GALNT17: variants seen among roughly 807,000 people sequenced by gnomAD.
GALNT17 encodes UDP-GalNAc:polypeptide N-acetylgalactosaminyltransferase-like 3.
Under a neutral mutation model 63.7 loss-of-function variants are expected in GALNT17, and 29 were observed. The ratio of observed to expected loss-of-function variants is 0.46; its 90% CI spans 0.34 to 0.62. The LOEUF (loss-of-function observed/expected upper bound fraction) is 0.62. Ranked by LOEUF, GALNT17 falls within the 20% of genes least tolerant of loss-of-function variation. The probability of loss-of-function intolerance (pLI) is 0.01; values close to 1 mark genes in which losing one functional copy is unlikely to be tolerated. For missense variants in GALNT17, 603 were observed against 799.6 expected (o/e 0.75, Z 2.97); for synonymous variants, 305 against 318.3 (o/e 0.96, Z 0.45).
intron 1 of GALNT17, among the ~76,000 whole-genome samples, chr7:71,308,473 G>A (rs1791349217): frequency 6.6e-6 from 1 of 152,016 alleles, no homozygotes; most frequent in South Asian, 2.1e-4. Flanking sequence ...AGGATTTTTC[G>A]AACATTCTAT....
chr7:71,431,345 G>A (rs1786863077), intron 5 of GALNT17, among the ~76,000 whole-genome samples: 1 of 151,332 alleles, frequency 6.6e-6, no homozygotes, highest in African/African-American at 2.4e-5. Context: ...TGAGTAGCTG[G>A]GACTACAGGC....
chr7:71,459,498 T>C (rs575423535), intron 5 of GALNT17, among the ~76,000 whole-genome samples: 1 of 152,332 alleles, frequency 6.6e-6, no homozygotes, highest in South Asian at 2.1e-4. Context: ...CCCAAATATC[T>C]AAGAGACCTG....
chr7:71,668,516 CAAAAAAA>C (rs56329930), intron 7 of GALNT17, among the ~76,000 whole-genome samples: 1 of 62,960 alleles, frequency 1.6e-5, no homozygotes, highest in South Asian at 1.2e-3. Context: ...GACACCATCT[CAAAAAAA>C]AAAAAAAAAA....
At chr7:71,533,541 G>A (rs1788753770) in intron 5 of GALNT17, among the ~76,000 whole-genome samples, 2 of 152,110 alleles carry the variant, frequency 1.3e-5, no homozygotes, top group Admixed American at 6.6e-5. Flanking sequence ...ACAGCTGGGG[G>A]GCAGAACAAT....
intron 1 of GALNT17, among the ~76,000 whole-genome samples, chr7:71,161,675 CT>C (rs1215115464): frequency 6.6e-6 from 1 of 151,992 alleles, no homozygotes; most frequent in Non-Finnish European, 1.5e-5. Flanking sequence ...TTGCATGTAA[CT>C]TTTTTTATAC....
At chr7:71,447,921 T>C (rs189508920) in intron 5 of GALNT17, among the ~76,000 whole-genome samples, 1 of 152,346 alleles carries the variant, frequency 6.6e-6, no homozygotes, top group African/African-American at 2.4e-5. Context: ...CCATCAGGAC[T>C]GGCTGCCCTC....
chr7:71,693,054 T>TTAGA (rs1417404253), intron 9 of GALNT17, among the ~76,000 whole-genome samples: 1 of 151,836 alleles, frequency 6.6e-6, no homozygotes, highest in East Asian at 1.9e-4. Context: ...TAGTATATAC[T>TTAGA]TAGATAGATA....
At chr7:71,149,917 A>G (rs1039904061) in intron 1 of GALNT17, among the ~76,000 whole-genome samples, 1 of 152,068 alleles carries the variant, frequency 6.6e-6, no homozygotes, top group African/African-American at 2.4e-5. Flanking sequence ...TCATTTTTGA[A>G]TGGATGCTAA....
chr7:71,699,333 C>T (rs1382844055), intron 9 of GALNT17, among the ~76,000 whole-genome samples: 2 of 151,542 alleles, frequency 1.3e-5, no homozygotes, highest in Non-Finnish European at 2.9e-5. Context: ...CAAAAATTAG[C>T]CTGGCATGGT....
chr7:71,426,687 G>A (rs138850852), intron 5 of GALNT17, among the ~76,000 whole-genome samples: 2 of 152,038 alleles, frequency 1.3e-5, no homozygotes, highest in African/African-American at 4.8e-5. Flanking sequence ...TTGGGAGGCC[G>A]AGGTGGGCTG....
intron 3 of GALNT17, 38 bp downstream of exon 3, chr7:71,388,439 C>G: frequency 6.3e-7 from 1 of 1,581,596 alleles, no homozygotes; most frequent in Non-Finnish European, 8.6e-7. Flanking sequence ...GACATGATGA[C>G]AGCAGGGGGA....
chr7:71,447,946 G>C (rs896428826), intron 5 of GALNT17, among the ~76,000 whole-genome samples: 13 of 151,930 alleles, frequency 8.6e-5, no homozygotes, highest in African/African-American at 3.1e-4. Flanking sequence ...AGTGATCCTG[G>C]GATTCCTTTC....
intron 8 of GALNT17, among the ~76,000 whole-genome samples, chr7:71,672,871 C>A (rs1791090975): frequency 6.6e-6 from 1 of 152,082 alleles, no homozygotes. Flanking sequence ...AATAAAACAT[C>A]CTCAAAGAAA....
intron 5 of GALNT17, among the ~76,000 whole-genome samples, chr7:71,513,175 T>C (rs1271001654): frequency 3.9e-5 from 6 of 152,126 alleles, no homozygotes. Context: ...CAACTTTTAT[T>C]CCTCTCTTGG....
intron 1 of GALNT17, among the ~76,000 whole-genome samples, chr7:71,301,252 A>G (rs1006143612): frequency 7.9e-5 from 12 of 151,304 alleles, no homozygotes; most frequent in Non-Finnish European, 1.5e-5. Context: ...GCTCCACTAC[A>G]CTCCAGCCTG....
intron 9 of GALNT17, among the ~76,000 whole-genome samples, chr7:71,678,623 G>A (rs1438325167): frequency 3.3e-5 from 5 of 151,694 alleles, no homozygotes; most frequent in East Asian, 2.0e-4. Context: ...CGGTGAAACC[G>A]TCTCTACTAA....
chr7:71,250,971 C>A (rs1036943539), intron 1 of GALNT17, among the ~76,000 whole-genome samples: 1 of 152,174 alleles, frequency 6.6e-6, no homozygotes, highest in African/African-American at 2.4e-5. Context: ...GTCCTGCTAT[C>A]TTGGCTGTAG....
At chr7:71,484,418 G>A (rs991269576) in intron 5 of GALNT17, among the ~76,000 whole-genome samples, 13 of 152,150 alleles carry the variant, frequency 8.5e-5, no homozygotes, top group Non-Finnish European at 1.9e-4. Flanking sequence ...AACTCAGGAG[G>A]CAGAGGCTGC....
chr7:71,178,973 A>T lies in GALNT17; in HGVS notation c.238+45933A>T, dbSNP rs1788687601. ...GGACACTATTAAGTATATGTTGTGG[A>T]GACTCTGGATCCTGCTATATTCCTT... On this transcript the variant is annotated intron_variant, in intron 1 of 10. Coordinates refer to ENST00000333538, the MANE Select transcript of GALNT17 (RefSeq NM_022479.3). Among the ~76,000 whole-genome samples the T allele has an allele frequency of 3.9e-5, 6 of 152,234 alleles. No homozygotes were observed. The South Asian group carries it at 1.2e-3, about 32-fold the overall frequency.
Sources: allele counts gnomAD v4.1 joint callset (sites outside exome capture counted in the v4.1 genomes callset), GRCh38; gene constraint gnomAD v4.1.1; transcripts MANE v1.5; gene names NCBI Gene and HGNC (gene_info 2026-07-23, HGNC 2026-07-21).